The following ATRN variants were observed in gnomAD, a reference collection of about 807,000 sequenced individuals.
ATRN encodes attractin.
A neutral mutation model predicts 178.7 loss-of-function variants in ATRN; 54 were observed. The observed-to-expected ratio is 0.30, with a 90% confidence interval of 0.24 to 0.38. The LOEUF (loss-of-function observed/expected upper bound fraction) is 0.38, where lower values mean the gene tolerates loss of function less well. ATRN is among the 10% of genes least tolerant of loss of function. The pLI is 1.00. For missense variants in ATRN, 1,443 were observed against 1,815.1 expected, an observed-to-expected ratio of 0.79 and a Z score of 3.73; for synonymous variants, 636 against 663.0, an observed-to-expected ratio of 0.96 and a Z score of 0.63.
chr20:3,528,514 C>CT (rs2085405721), intron 1 of ATRN, among the ~76,000 whole-genome samples: 1 of 152,100 alleles, frequency 6.6e-6, no homozygotes, highest in Non-Finnish European at 1.5e-5. Context: ...ACCACATACT[C>CT]TCACTTACAA....
intron 18 of ATRN, 125 bp downstream of exon 18, chr20:3,585,005 T>A: frequency 1.1e-6 from 1 of 922,354 alleles, no homozygotes; most frequent in East Asian, 2.6e-5. Flanking sequence ...TCCTAATGGT[T>A]GGTACAAGAA....
chr20:3,591,183 G>A lies in ATRN; in HGVS notation c.3199G>A (p.Gly1067Ser), dbSNP rs746729863. 5 of 1,613,846 alleles carry A rather than the reference G, an allele frequency of 3.1e-6. No homozygotes were observed. The highest frequency in any genetic ancestry group is 4.2e-6 in the Non-Finnish European group (5 of 1,179,856). The change falls in exon 19 of 29, where the codon GGC becomes AGC. Residue 1067 changes from glycine to serine, a missense_variant. By Grantham distance (56) the Gly-to-Ser change is moderately conservative. Coordinates refer to ENST00000262919, the MANE Select transcript of ATRN (RefSeq NM_139321.3). ...TTTTCTTGCAGCTTGCCAATGCAAC[G>A]GCCACAGTAAATGCATCAATCAGAG... The part of the protein sequence containing the change: ...FIHCPACQCN[G>S]HSKCINQSIC...
intron 1 of ATRN, among the ~76,000 whole-genome samples, chr20:3,507,798 C>T (rs2085068040): frequency 6.6e-6 from 1 of 150,734 alleles, no homozygotes; most frequent in African/African-American, 2.4e-5. Context: ...AATTCTCCTG[C>T]CTCAGCTTCC....
At chr20:3,499,928 C>G (rs993732892) in intron 1 of ATRN, among the ~76,000 whole-genome samples, 1 of 151,254 alleles carries the variant, frequency 6.6e-6, no homozygotes, top group African/African-American at 2.4e-5. Flanking sequence ...TTTTTGCAAC[C>G]TACTCATCTG....
intron 18 of ATRN, among the ~76,000 whole-genome samples, chr20:3,588,293 C>T (rs997434164): frequency 1.2e-4 from 18 of 152,062 alleles, no homozygotes; most frequent in Admixed American, 6.6e-5. Context: ...ATAATTCAGT[C>T]TTTATTAAAT....
intron 16 of ATRN, 52 bp from the exon 17 acceptor site, chr20:3,583,846 C>A: frequency 6.5e-7 from 1 of 1,529,242 alleles, no homozygotes; most frequent in Non-Finnish European, 9.0e-7. Flanking sequence ...AGTCTTTGAC[C>A]TTAGCGGACA....
intron 1 of ATRN, among the ~76,000 whole-genome samples, chr20:3,478,332 T>C (rs572135915): frequency 1.3e-5 from 2 of 152,198 alleles, no homozygotes; most frequent in African/African-American, 4.8e-5. Context: ...AGTGATAGAC[T>C]GGATAAAGAA....
At chr20:3,579,267 C>A (rs1173073786) in intron 15 of ATRN, among the ~76,000 whole-genome samples, 1 of 152,076 alleles carries the variant, frequency 6.6e-6, no homozygotes, top group Non-Finnish European at 1.5e-5. Context: ...GGGTGGATCG[C>A]CTGAGGTCAG....
At chr20:3,484,072 A>G in intron 1 of ATRN, among the ~76,000 whole-genome samples, 1 of 151,886 alleles carries the variant, frequency 6.6e-6, no homozygotes, top group East Asian at 1.9e-4. Flanking sequence ...ACATAGGGAG[A>G]CCCCATCTCT....
intron 6 of ATRN, among the ~76,000 whole-genome samples, chr20:3,555,274 A>G (rs1216370667): frequency 6.6e-6 from 1 of 151,818 alleles, no homozygotes; most frequent in Admixed American, 6.6e-5. Flanking sequence ...AAGTGCTGGG[A>G]TTACAGGCGT....
At position 3,648,256 on chromosome 20, in the gene ATRN, A is replaced by G. The variant is rs16988807; in HGVS notation, c.*1409A>G. 1,788 of 151,188 alleles carry G rather than the reference A, an allele frequency of 0.012. 34 individuals carry two copies. The highest frequency in any genetic ancestry group is 0.041 in the African/African-American group (1,679 of 41,048). The allele number at this position is 151,188 out of a possible 1,614,324, so 9.4% of individuals were successfully genotyped here. A position where few individuals can be genotyped will look rare whatever the true frequency, so the allele number is the denominator to read the frequency against. ...AAATGCTGACAAGGATGAAAAGCAC[A>G]TGGAAAAAAATGGATGAGGAGGGAA... On this transcript the variant is annotated 3_prime_UTR_variant, in exon 29 of 29. Coordinates refer to ENST00000262919, the MANE Select transcript of ATRN (RefSeq NM_139321.3).
intron 19 of ATRN, among the ~76,000 whole-genome samples, chr20:3,591,562 A>G (rs1420861937): frequency 1.3e-5 from 2 of 152,168 alleles, no homozygotes; most frequent in African/African-American, 2.4e-5. Flanking sequence ...AGGGCCCAAA[A>G]CCAGAGAAAG....
At chr20:3,572,708 C>G in intron 11 of ATRN, 23 bp from the exon 12 acceptor site, 1 of 1,578,386 alleles carries the variant, frequency 6.3e-7, no homozygotes, top group South Asian at 1.1e-5. Context: ...TAGTAAATTT[C>G]TTCTCTCCCT....
intron 24 of ATRN, among the ~76,000 whole-genome samples, chr20:3,618,036 A>C (rs1031670751): frequency 6.6e-6 from 1 of 152,162 alleles, no homozygotes; most frequent in Admixed American, 6.5e-5. Flanking sequence ...GGGGCCTGGG[A>C]AGCCGCCCTT....
At chr20:3,581,319 T>TAA (rs372273904) in intron 15 of ATRN, among the ~76,000 whole-genome samples, 2 of 152,314 alleles carry the variant, frequency 1.3e-5, no homozygotes, top group East Asian at 3.9e-4. Context: ...TAGGAATACT[T>TAA]ACCATTTCTT....
chr20:3,501,728 T>C (rs2146109247), intron 1 of ATRN, among the ~76,000 whole-genome samples: 1 of 152,312 alleles, frequency 6.6e-6, no homozygotes, highest in South Asian at 2.1e-4. Context: ...GTACAGCTTT[T>C]CCCTTGGGGG....
At chr20:3,542,612 C>T (rs2085640588) in intron 3 of ATRN, among the ~76,000 whole-genome samples, 1 of 129,162 alleles carries the variant, frequency 7.7e-6, no homozygotes, top group South Asian at 2.6e-4. Context: ...TCCCCCTTCC[C>T]CCTTCCCCTT....
intron 6 of ATRN, among the ~76,000 whole-genome samples, chr20:3,556,321 G>A (rs889645093): frequency 1.5e-4 from 23 of 152,188 alleles, no homozygotes; most frequent in African/African-American, 5.3e-4. Context: ...TGAGCTTTTT[G>A]TGCTTGGAGT....
At chr20:3,571,973 G>A (rs2086132671) in intron 11 of ATRN, among the ~76,000 whole-genome samples, 1 of 151,998 alleles carries the variant, frequency 6.6e-6, no homozygotes, top group Non-Finnish European at 1.5e-5. Flanking sequence ...TCTAATCCAT[G>A]TGGAAATTAT....
Sources: allele counts gnomAD v4.1 joint callset (sites outside exome capture counted in the v4.1 genomes callset), GRCh38; gene constraint gnomAD v4.1.1; transcripts MANE v1.5; gene names NCBI Gene and HGNC (gene_info 2026-07-23, HGNC 2026-07-21).